Variants in ABCB1 observed in about 807,000 individuals in gnomAD.
The protein encoded by ABCB1 is ATP-dependent translocase ABCB1.
Under a neutral mutation model 142.0 loss-of-function variants are expected in ABCB1, and 69 were observed. That is an observed-to-expected ratio of 0.49 (90% CI 0.40 to 0.59). The LOEUF is 0.59. ABCB1 is among the 20% of genes least tolerant of loss of function. ABCB1 has a pLI of 0.00. For synonymous variants in ABCB1, 532 were observed against 539.2 expected (o/e 0.99, Z 0.18); for missense variants, 1,326 against 1,554.7 (o/e 0.85, Z 2.47).
intron 1 of ABCB1, among the ~76,000 whole-genome samples, chr7:87,640,502 C>A (rs928897152): frequency 1.3e-5 from 2 of 151,996 alleles, no homozygotes; most frequent in Non-Finnish European, 2.9e-5. Context: ...CACCACCACA[C>A]CCAGCTAATT....
intron 3 of ABCB1, among the ~76,000 whole-genome samples, chr7:87,586,293 T>C (rs1818750692): frequency 6.6e-6 from 1 of 152,184 alleles, no homozygotes; most frequent in Non-Finnish European, 1.5e-5. Flanking sequence ...GAGATCTGCA[T>C]AATCTCTTTA....
intron 1 of ABCB1, among the ~76,000 whole-genome samples, chr7:87,610,161 G>T (rs1819797993): frequency 6.6e-6 from 1 of 150,380 alleles, no homozygotes; most frequent in East Asian, 1.9e-4. Context: ...CCCTGACCTT[G>T]TAGTTGTGTT....
At chr7:87,616,571 C>T (rs1172292216) in intron 1 of ABCB1, among the ~76,000 whole-genome samples, 2 of 152,220 alleles carry the variant, frequency 1.3e-5, no homozygotes, top group African/African-American at 4.8e-5. Context: ...GCACTTGCTA[C>T]ACATCATGCC....
chr7:87,700,403 G>C (rs757999480), intron 1 of ABCB1: 1 of 1,552,060 alleles, frequency 6.4e-7, no homozygotes, highest in African/African-American at 1.4e-5. Flanking sequence ...ATTTTATATC[G>C]CAATTTGTCT....
chr7:87,560,234 T>C (rs774485198), intron 8 of ABCB1, among the ~76,000 whole-genome samples: 2 of 152,220 alleles, frequency 1.3e-5, no homozygotes, highest in East Asian at 1.9e-4. Context: ...GCAAAGACTT[T>C]AGCAAAAATC....
chr7:87,506,490 C>G (rs1034837391), intron 26 of ABCB1, among the ~76,000 whole-genome samples: 1 of 152,154 alleles, frequency 6.6e-6, no homozygotes, highest in Non-Finnish European at 1.5e-5. Flanking sequence ...GGGATATCAG[C>G]CTTTTAGTGT....
At chr7:87,572,496 G>A (rs1413474441) in intron 4 of ABCB1, among the ~76,000 whole-genome samples, 1 of 152,152 alleles carries the variant, frequency 6.6e-6, no homozygotes, top group Non-Finnish European at 1.5e-5. Flanking sequence ...AACAAGTCTA[G>A]CACCAAGTTC....
chr7:87,525,077 C>G (rs1010297219), intron 21 of ABCB1, among the ~76,000 whole-genome samples: 28 of 152,080 alleles, frequency 1.8e-4, no homozygotes, highest in Admixed American at 6.6e-5. Context: ...GGACTGTCTT[C>G]ATCTTGACGC....
At chr7:87,600,480 C>CA (rs1819405784) in intron 1 of ABCB1, among the ~76,000 whole-genome samples, 1 of 152,212 alleles carries the variant, frequency 6.6e-6, no homozygotes, top group Non-Finnish European at 1.5e-5. Context: ...TGCTTCCTCC[C>CA]ACCCACCGCC....
At chr7:87,563,492 A>T in intron 7 of ABCB1, 1 of 326,784 alleles carries the variant, frequency 3.1e-6, no homozygotes, top group South Asian at 2.6e-5. Flanking sequence ...TATCCTCAGG[A>T]TGCAAGTTTG....
intron 1 of ABCB1, among the ~76,000 whole-genome samples, chr7:87,663,743 A>G (rs1269826486): frequency 6.6e-6 from 1 of 152,164 alleles, no homozygotes; most frequent in Non-Finnish European, 1.5e-5. Context: ...GAGAGGCTTA[A>G]GTAACAGAAA....
At chr7:87,563,357 CA>C in intron 7 of ABCB1, 1 of 454,984 alleles carries the variant, frequency 2.2e-6, no homozygotes, top group Non-Finnish European at 4.4e-6. Flanking sequence ...AGAGATACAA[CA>C]ACAAAAAAAC....
Position 87,644,204 on chromosome 7 carries a change from A to G in ABCB1, c.-330-43126T>C, listed in dbSNP as rs117271103. Among the ~76,000 whole-genome samples, 7 of 152,302 alleles carry G rather than the reference A, an allele frequency of 4.6e-5. No individual in the cohort carries two copies. In the East Asian group the frequency reaches 1.4e-3, roughly 29 times the overall value. ...AAAATTCTCTGTGTTTCTGATGTAA[A>G]ATATAAGAGAGAAAATAGGCCTTCC... On this transcript the variant is annotated intron_variant, in intron 1 of 28. Coordinates refer to the ABCB1 transcript ENST00000265724.
chr7:87,617,800 G>A (rs1056932137), intron 1 of ABCB1, among the ~76,000 whole-genome samples: 1 of 152,100 alleles, frequency 6.6e-6, no homozygotes, highest in African/African-American at 2.4e-5. Flanking sequence ...CTGTTCCAAG[G>A]GCTTCTCAAC....
Position 87,519,271 on chromosome 7 carries a change from A to T in ABCB1, c.2927+55T>A, listed in dbSNP as rs546665104. 2.6e-6 allele frequency: 4 copies of T among 1,531,406 alleles called. No individual in the cohort carries two copies. In the African/African-American group the frequency reaches 5.5e-5, roughly 21 times the overall value. The allele number at this position is 1,531,406 out of a possible 1,614,324, so 94.9% of individuals were successfully genotyped here. ...AGGGTTTCCTATCTAGACATGAAGC[A>T]TGTTCATCCCAGCTTTATTTTTAGA... is the stretch of plus-strand genomic sequence containing the variant. On this transcript the variant is annotated intron_variant, in intron 23 of 27. Coordinates refer to ENST00000622132, the MANE Select transcript of ABCB1 (RefSeq NM_001348946.2).
At chr7:87,668,980 G>A (rs1825553727) in intron 1 of ABCB1, among the ~76,000 whole-genome samples, 1 of 152,094 alleles carries the variant, frequency 6.6e-6, no homozygotes, top group Non-Finnish European at 1.5e-5. Flanking sequence ...TTCTATAGAG[G>A]TGTATCCGAG....
In ABCB1 at chr7:87,665,662, A is replaced by G. The variant is rs142697487; in HGVS notation, c.-331+47499T>C. Among the ~76,000 whole-genome samples, 50 of 152,164 alleles carry G rather than the reference A, an allele frequency of 3.3e-4. No individual in the cohort carries two copies. The East Asian group carries it at 8.5e-3, about 26-fold the overall frequency. ...CCCAGGTAATGAGCATAGTACGTGAAAGGTAGTTTTTGATCCTCTCCTTCC... is the reference window on the plus strand; with the variant it reads ...CCCAGGTAATGAGCATAGTACGTGAGAGGTAGTTTTTGATCCTCTCCTTCC... On this transcript the variant is annotated intron_variant, in intron 1 of 28. Coordinates refer to the ABCB1 transcript ENST00000265724.
At chr7:87,529,755 T>G (rs1815948942) in intron 21 of ABCB1, among the ~76,000 whole-genome samples, 1 of 152,212 alleles carries the variant, frequency 6.6e-6, no homozygotes, top group Non-Finnish European at 1.5e-5. Flanking sequence ...TTGTCCTAGA[T>G]TTTTCCATCT....
intron 1 of ABCB1, among the ~76,000 whole-genome samples, chr7:87,668,049 C>A (rs1020169641): frequency 1.3e-5 from 2 of 151,374 alleles, no homozygotes; most frequent in Non-Finnish European, 2.9e-5. Flanking sequence ...GGAATTATTT[C>A]AGTAGAAATG....
Sources: gnomAD v4.1 joint callset for allele counts (sites outside exome capture counted in the v4.1 genomes callset) on GRCh38, gnomAD v4.1.1 for gene constraint, MANE v1.5 for transcripts, NCBI Gene and HGNC (gene_info 2026-07-23, HGNC 2026-07-21) for gene names.